The following GPC6 variants were observed in gnomAD, a reference collection of about 807,000 sequenced individuals.
GPC6 encodes the protein glypican-6.
A neutral mutation model predicts 55.2 loss-of-function variants in GPC6; 14 were observed. The observed-to-expected ratio is 0.25, with a 90% CI of 0.17 to 0.40. The LOEUF (loss-of-function observed/expected upper bound fraction) is 0.40, where lower values mean the gene tolerates loss of function less well. Ranked by LOEUF, GPC6 falls within the 10% of genes least tolerant of loss-of-function variation. GPC6 has a pLI of 1.00. For missense variants in GPC6, 641 were observed against 708.5 expected (o/e 0.90, Z 1.08); for synonymous variants, 278 against 259.6 (o/e 1.07, Z -0.68).
chr13:93,709,083 T>G (rs1882955818), intron 2 of GPC6, among the ~76,000 whole-genome samples: 1 of 151,854 alleles, frequency 6.6e-6, no homozygotes, highest in African/African-American at 2.4e-5. Flanking sequence ...GAATATTATT[T>G]TGCAACCAAG....
intron 4 of GPC6, among the ~76,000 whole-genome samples, chr13:94,234,414 G>A (rs1017713386): frequency 6.6e-6 from 1 of 151,018 alleles, no homozygotes; most frequent in Non-Finnish European, 1.5e-5. Flanking sequence ...ACTGGAAGAT[G>A]TTTCTTTTCT....
chr13:93,978,362 A>G (rs571267779), intron 3 of GPC6, among the ~76,000 whole-genome samples: 7 of 152,296 alleles, frequency 4.6e-5, no homozygotes, highest in African/African-American at 1.2e-4. Context: ...GAGGTTTTAT[A>G]TATTCAGGAA....
chr13:93,955,718 A>C (rs1302203677), intron 3 of GPC6, among the ~76,000 whole-genome samples: 1 of 152,096 alleles, frequency 6.6e-6, no homozygotes, highest in Non-Finnish European at 1.5e-5. Flanking sequence ...TTTAATTAAC[A>C]ATCAGAGTCC....
intron 1 of GPC6, among the ~76,000 whole-genome samples, chr13:93,247,204 G>C (rs1424283326): frequency 6.6e-6 from 1 of 151,934 alleles, no homozygotes; most frequent in African/African-American, 2.4e-5. Flanking sequence ...TTTTGAGATC[G>C]CTTTTAGATA....
At chr13:93,306,816 A>G (rs1878872672) in intron 1 of GPC6, among the ~76,000 whole-genome samples, 1 of 152,082 alleles carries the variant, frequency 6.6e-6, no homozygotes. Context: ...ATTCTTTGTA[A>G]TTTTGTAGCG....
intron 3 of GPC6, among the ~76,000 whole-genome samples, chr13:93,839,068 A>G (rs908765108): frequency 1.3e-5 from 2 of 152,150 alleles, no homozygotes; most frequent in Non-Finnish European, 2.9e-5. Context: ...CAAGAAATAG[A>G]CTAATCAATA....
At chr13:93,594,045 GA>G (rs1211459604) in intron 2 of GPC6, among the ~76,000 whole-genome samples, 1 of 152,054 alleles carries the variant, frequency 6.6e-6, no homozygotes, top group Non-Finnish European at 1.5e-5. Context: ...TTATATATAA[GA>G]AATTGCTCTA....
chr13:93,657,162 A>C (rs1880710314), intron 2 of GPC6, among the ~76,000 whole-genome samples: 1 of 152,158 alleles, frequency 6.6e-6, no homozygotes, highest in Non-Finnish European at 1.5e-5. Context: ...AAGCAAAAGG[A>C]ACAAAGTTTG....
chr13:94,357,152 A>G (rs1032872135), intron 6 of GPC6, among the ~76,000 whole-genome samples: 15 of 152,304 alleles, frequency 9.8e-5, no homozygotes, highest in Non-Finnish European at 1.6e-4. Flanking sequence ...TGCTCACAGT[A>G]GACTATAAAA....
Position 94,086,799 on chromosome 13 carries a change from A to G in GPC6, c.877+58905A>G, listed in dbSNP as rs183393729. On this transcript the variant is annotated intron_variant, in intron 4 of 8. Transcript: ENST00000377047. ...CTCGATTTTTTAATAATCTTTTTAA[A>G]AAGCTTTTTCAGGATAAAAGAAGGA... Among the ~76,000 whole-genome samples, 17 of 152,348 alleles carry G rather than the reference A, an allele frequency of 1.1e-4. No individual in the cohort carries two copies. The East Asian group carries it at 2.5e-3, about 22-fold the overall frequency.
chr13:93,679,124 C>A (rs762324702), intron 2 of GPC6, among the ~76,000 whole-genome samples: 1 of 151,958 alleles, frequency 6.6e-6, no homozygotes, highest in Non-Finnish European at 1.5e-5. Flanking sequence ...TGTTTTATGG[C>A]ATGCAGATGG....
At chr13:93,475,002 C>T (rs1017291842) in intron 1 of GPC6, among the ~76,000 whole-genome samples, 3 of 152,116 alleles carry the variant, frequency 2.0e-5, no homozygotes, top group Non-Finnish European at 4.4e-5. Context: ...AATAATTAGG[C>T]AGGTGTGGTG....
chr13:93,567,906 T>C (rs1445862447), intron 2 of GPC6, among the ~76,000 whole-genome samples: 1 of 152,168 alleles, frequency 6.6e-6, no homozygotes, highest in Non-Finnish European at 1.5e-5. Context: ...ATAGACTCAT[T>C]GTTCCTTTGG....
At chr13:93,598,498 G>A (rs17189103) in intron 2 of GPC6, among the ~76,000 whole-genome samples, 30,917 of 151,994 alleles carry the variant, frequency 0.2, 3,214 homozygotes, top group South Asian at 0.25. Flanking sequence ...GTATTTTCAC[G>A]TACATTGTCA....
At chr13:94,121,392 G>A (rs1042007507) in intron 4 of GPC6, among the ~76,000 whole-genome samples, 3 of 151,954 alleles carry the variant, frequency 2.0e-5, no homozygotes, top group Non-Finnish European at 4.4e-5. Flanking sequence ...TTATCCTATC[G>A]CACTTTGCAG....
At chr13:93,809,215 T>C (rs1230280610) in intron 2 of GPC6, among the ~76,000 whole-genome samples, 1 of 152,184 alleles carries the variant, frequency 6.6e-6, no homozygotes, top group Non-Finnish European at 1.5e-5. Context: ...GTCAGATGGC[T>C]ACCTTCCTTG....
chr13:93,796,013 G>A (rs9561447), intron 2 of GPC6, among the ~76,000 whole-genome samples: 49,697 of 150,590 alleles, frequency 0.33, 8,610 homozygotes, highest in African/African-American at 0.43. Context: ...GGGAGACCCC[G>A]TCTCCGAGAA....
intron 3 of GPC6, among the ~76,000 whole-genome samples, chr13:93,996,056 T>C (rs1200501002): frequency 6.6e-6 from 1 of 152,252 alleles, no homozygotes; most frequent in Non-Finnish European, 1.5e-5. Context: ...AATCAATACA[T>C]TGAAATTATC....
At chr13:93,757,768 T>C (rs556700205) in intron 2 of GPC6, among the ~76,000 whole-genome samples, 12 of 152,302 alleles carry the variant, frequency 7.9e-5, no homozygotes, top group African/African-American at 2.9e-4. Flanking sequence ...ATTTTTTGTC[T>C]GAATTCAGGC....
Sources: allele counts gnomAD v4.1 joint callset (sites outside exome capture counted in the v4.1 genomes callset), GRCh38; gene constraint gnomAD v4.1.1; transcripts MANE v1.5; gene names NCBI Gene and HGNC (gene_info 2026-07-23, HGNC 2026-07-21).